Variants in STX8 observed in about 807,000 individuals in gnomAD.
STX8 encodes syntaxin 8, also known as syntaxin-8.
STX8 carries 23 observed loss-of-function variants against 37.5 expected under a neutral mutation model. That is an observed-to-expected ratio of 0.61 (90% CI 0.44 to 0.87). The LOEUF is 0.87. Among genes scored for constraint, STX8 ranks in the 40% least tolerant of loss-of-function variants. STX8 has a pLI of 0.00. For synonymous variants in STX8, 115 were observed against 99.1 expected (o/e 1.16, Z -0.95); for missense variants, 313 against 284.7 (o/e 1.10, Z -0.71).
chr17:9,570,695 A>C (rs1266665638), intron 1 of STX8, among the ~76,000 whole-genome samples: 1 of 152,096 alleles, frequency 6.6e-6, no homozygotes, highest in Non-Finnish European at 1.5e-5. Context: ...TGAAAAGAGG[A>C]GCCTAGGTCT....
chr17:9,435,815 T>G (rs1904411114), intron 6 of STX8, among the ~76,000 whole-genome samples: 1 of 152,222 alleles, frequency 6.6e-6, no homozygotes, highest in Admixed American at 6.5e-5. Flanking sequence ...ATATGTTAAC[T>G]ATCTCCATTT....
chr17:9,407,634 C>T (rs1912846071), intron 6 of STX8, among the ~76,000 whole-genome samples: 1 of 141,498 alleles, frequency 7.1e-6, no homozygotes, highest in African/African-American at 2.7e-5. Context: ...TTAAGAAATA[C>T]ATTGGTTTGG....
intron 6 of STX8, among the ~76,000 whole-genome samples, chr17:9,406,372 C>T (rs1035681894): frequency 2.0e-5 from 3 of 152,116 alleles, no homozygotes; most frequent in Non-Finnish European, 2.9e-5. Flanking sequence ...TTTACTGGAG[C>T]GATAACTGCT....
At chr17:9,518,894 C>G (rs557150541) in intron 4 of STX8, among the ~76,000 whole-genome samples, 10 of 151,130 alleles carry the variant, frequency 6.6e-5, no homozygotes, top group Non-Finnish European at 1.5e-4. Flanking sequence ...AGAATAAATG[C>G]TAGCAATGCT....
At chr17:9,327,198 A>G (rs538093503) in intron 7 of STX8, among the ~76,000 whole-genome samples, 5 of 147,076 alleles carry the variant, frequency 3.4e-5, no homozygotes, top group Admixed American at 2.0e-4. Flanking sequence ...AAGAAGGAAG[A>G]AGGAAGAAGG....
chr17:9,540,598 C>T (rs890269504), intron 4 of STX8: 1 of 152,188 alleles, frequency 6.6e-6, no homozygotes, highest in African/African-American at 2.4e-5. Flanking sequence ...AATGTCCAGT[C>T]GCCACATTGG....
At chr17:9,370,548 A>G (rs976042599) in intron 7 of STX8, among the ~76,000 whole-genome samples, 2 of 152,198 alleles carry the variant, frequency 1.3e-5, no homozygotes, top group Non-Finnish European at 2.9e-5. Flanking sequence ...AGGCAGATCC[A>G]ATGGTCGTCG....
chr17:9,396,518 C>T (rs1468605909), intron 6 of STX8, among the ~76,000 whole-genome samples: 1 of 152,024 alleles, frequency 6.6e-6, no homozygotes, highest in African/African-American at 2.4e-5. Context: ...CAAGACCAGC[C>T]TGGCCAACAT....
chr17:9,445,164 C>T (rs1033172186), intron 6 of STX8, among the ~76,000 whole-genome samples: 6 of 151,958 alleles, frequency 3.9e-5, no homozygotes, highest in African/African-American at 7.3e-5. Context: ...TTTGGAGAAC[C>T]GTTAGGGACT....
At chr17:9,375,757 T>C (rs1429298025) in intron 7 of STX8, among the ~76,000 whole-genome samples, 2 of 152,184 alleles carry the variant, frequency 1.3e-5, no homozygotes, top group Non-Finnish European at 2.9e-5. Context: ...TACATACATA[T>C]ATATATTACA....
chr17:9,368,968 T>C (rs969280633), intron 7 of STX8, among the ~76,000 whole-genome samples: 10 of 151,630 alleles, frequency 6.6e-5, no homozygotes, highest in African/African-American at 2.4e-4. Context: ...CTGCCCAGGC[T>C]GAAGTGCAGT....
intron 5 of STX8, among the ~76,000 whole-genome samples, chr17:9,493,407 T>C (rs914012435): frequency 6.6e-6 from 1 of 152,234 alleles, no homozygotes; most frequent in African/African-American, 2.4e-5. Flanking sequence ...ACTCCTTCAG[T>C]GCCTGGCCCC....
intron 6 of STX8, among the ~76,000 whole-genome samples, chr17:9,441,704 T>A (rs1904663658): frequency 7.7e-6 from 1 of 130,010 alleles, no homozygotes; most frequent in Non-Finnish European, 1.6e-5. Flanking sequence ...TGAGACGGAG[T>A]CTCGCTCTGT....
chr17:9,297,184 G>C (rs1908585436), intron 7 of STX8, among the ~76,000 whole-genome samples: 1 of 143,892 alleles, frequency 6.9e-6, no homozygotes, highest in Non-Finnish European at 1.5e-5. Flanking sequence ...TTGATGTAGA[G>C]ATGTTCAAAC....
At chr17:9,521,126 C>T (rs1480567680) in intron 4 of STX8, among the ~76,000 whole-genome samples, 1 of 152,146 alleles carries the variant, frequency 6.6e-6, no homozygotes, top group Non-Finnish European at 1.5e-5. Context: ...GAAATAGATT[C>T]TTTGACAGAA....
intron 7 of STX8, among the ~76,000 whole-genome samples, chr17:9,295,973 G>T (rs1311875922): frequency 6.6e-6 from 1 of 151,870 alleles, no homozygotes; most frequent in East Asian, 1.9e-4. Context: ...GGCGGATCAC[G>T]AGGTCAGGAG....
intron 2 of STX8, among the ~76,000 whole-genome samples, chr17:9,564,071 G>C (rs1283713313): frequency 6.6e-6 from 1 of 152,088 alleles, no homozygotes; most frequent in Non-Finnish European, 1.5e-5. Context: ...CAATAAACTA[G>C]GTATTCAAGG....
chr17:9,414,259 A>G (rs1041786986), intron 6 of STX8, among the ~76,000 whole-genome samples: 2 of 151,606 alleles, frequency 1.3e-5, no homozygotes, highest in Non-Finnish European at 2.9e-5. Flanking sequence ...GGCACAGAGC[A>G]TCAGTCAAAT....
chr17:9,503,793 C>T (rs1005067092), intron 5 of STX8, among the ~76,000 whole-genome samples: 2 of 152,236 alleles, frequency 1.3e-5, no homozygotes, highest in Admixed American at 1.3e-4. Flanking sequence ...GATGGAGTCT[C>T]ACTCTGTTGC....
Sources: allele counts gnomAD v4.1 joint callset (sites outside exome capture counted in the v4.1 genomes callset), GRCh38; gene constraint gnomAD v4.1.1; transcripts MANE v1.5; gene names NCBI Gene and HGNC (gene_info 2026-07-23, HGNC 2026-07-21).